The following NUP98 variants were observed in gnomAD, a reference collection of about 807,000 sequenced individuals.
NUP98 encodes the protein nucleoporin 98 and 96 precursor, also known as nuclear pore complex protein Nup98-Nup96.
NUP98 carries 26 observed loss-of-function variants against 191.9 expected under a neutral mutation model. The ratio of observed to expected loss-of-function variants is 0.14; its 90% CI spans 0.10 to 0.19. The LOEUF (loss-of-function observed/expected upper bound fraction) is 0.19, where lower values mean the gene tolerates loss of function less well. Ranked by LOEUF, NUP98 falls within the 10% of genes least tolerant of loss-of-function variation. NUP98 has a pLI of 1.00. For missense variants in NUP98, 1,941 were observed against 2,178.8 expected (o/e 0.89, Z 2.17); for synonymous variants, 808 against 778.4 (o/e 1.04, Z -0.63).
At chr11:3,697,891 T>C (rs2078562761) in intron 25 of NUP98, among the ~76,000 whole-genome samples, 1 of 151,074 alleles carries the variant, frequency 6.6e-6, no homozygotes, top group South Asian at 2.1e-4. Flanking sequence ...ATTGCCTCAT[T>C]AGTGAAAGGG....
At chr11:3,751,868 C>T (rs921567866) in intron 11 of NUP98, among the ~76,000 whole-genome samples, 3 of 151,676 alleles carry the variant, frequency 2.0e-5, no homozygotes, top group South Asian at 2.1e-4. Context: ...CAAAATAAAA[C>T]ACCTTTTATC....
chr11:3,731,693 C>A, intron 13 of NUP98, 115 bp from the exon 14 acceptor site: 1 of 643,818 alleles, frequency 1.6e-6, no homozygotes, highest in Non-Finnish European at 2.5e-6. Context: ...CTGCTAGATA[C>A]CTGTTGAAGT....
chr11:3,744,904 A>C (rs910689580), intron 11 of NUP98, among the ~76,000 whole-genome samples: 1 of 152,214 alleles, frequency 6.6e-6, no homozygotes, highest in East Asian at 1.9e-4. Context: ...CATAGCTTAG[A>C]TAGTAATCCT....
chr11:3,735,300 GC>G lies in NUP98; in HGVS notation c.1432del (p.Ala478LeufsTer14). ...PVALTDPNAS[A>X]AQQAVLQQHI... is the part of the protein sequence containing the mutation. ...CTGCTGGAGAACAGCCTGCTGGGCA[GC>G]AGAAGCATTTGGATCTGTCAAAGCT... On this transcript the variant is annotated frameshift_variant, in exon 13 of 33. Transcript: ENST00000324932. LOFTEE classifies it high-confidence loss of function. 6.5e-7 allele frequency: 1 copy of G among 1,546,064 alleles called. No individual in the cohort carries two copies. Among genetic ancestry groups the G allele is most frequent in the South Asian group, 1.3e-5 (1 of 78,024 alleles).
intron 6 of NUP98, 95 bp downstream of exon 6, chr11:3,773,537 C>A: frequency 3.0e-6 from 2 of 662,030 alleles, no homozygotes. Context: ...CAAACTGAAC[C>A]ACTCTATCCT....
intron 12 of NUP98, among the ~76,000 whole-genome samples, chr11:3,739,061 C>T (rs983972857): frequency 4.6e-5 from 7 of 151,934 alleles, no homozygotes; most frequent in African/African-American, 1.7e-4. Flanking sequence ...ATACAATTAC[C>T]TTTAAATGGG....
chr11:3,712,692 C>T lies in NUP98; in HGVS notation c.2614G>A (p.Asp872Asn), dbSNP rs1253261291. 1.2e-6 allele frequency: 2 copies of T among 1,613,100 alleles called. No homozygotes were observed. The highest frequency in any genetic ancestry group is 1.7e-6 in the Non-Finnish European group (2 of 1,179,998). ...HFSKYGLQDS[D>N]EEEEEHPSKT... ...GACGGATGCTCCTCCTCCTCTTCATCAGAATCCTGAAGGCCATACTTAGAA... is the reference window on the plus strand; with the variant it reads ...GACGGATGCTCCTCCTCCTCTTCATTAGAATCCTGAAGGCCATACTTAGAA... The change falls in exon 20 of 33, where the codon GAT becomes AAT. Residue 872 changes from aspartate to asparagine, a missense_variant. Asp to Asn is a conservative substitution (Grantham distance 23). Transcript: ENST00000324932.
intron 17 of NUP98, 136 bp from the exon 18 acceptor site, chr11:3,719,686 G>C: frequency 1.8e-6 from 1 of 559,286 alleles, no homozygotes; most frequent in African/African-American, 2.3e-5. Flanking sequence ...GCAATTCCTA[G>C]ACTGGTAAGA....
intron 16 of NUP98, 71 bp downstream of exon 16, chr11:3,723,086 G>T: frequency 7.0e-7 from 1 of 1,425,630 alleles, no homozygotes; most frequent in Non-Finnish European, 9.7e-7. Context: ...TCCATATGTT[G>T]AATATCTGCA....
chr11:3,787,380 G>C (rs1167807313), intron 1 of NUP98, among the ~76,000 whole-genome samples: 1 of 151,916 alleles, frequency 6.6e-6, no homozygotes, highest in South Asian at 2.1e-4. Flanking sequence ...TCAGGAGTTC[G>C]AGACCAGACT....
Position 3,768,682 on chromosome 11 carries a change from T to C in NUP98, c.847A>G (p.Ser283Gly). Residue 283 changes from serine to glycine, a missense_variant, in exon 8 of 33, where the codon AGC becomes GGC. This residue lies in a region of NUP98 where 181 missense variants were observed against 228.0 expected (regional missense o/e 0.79). Coordinates refer to ENST00000324932, the MANE Select transcript of NUP98 (RefSeq NM_016320.5). ...LFGQQNQQTT[S>G]LFSKPFGQAT... is the part of the protein sequence containing the mutation. ...TGGCCAAATGGTTTGCTGAAGAGGC[T>C]GGTAGTCTGCTGATTCTGTTGGCCA... 6.2e-7 allele frequency: 1 copy of C among 1,609,696 alleles called. No homozygotes were observed.
intron 29 of NUP98, among the ~76,000 whole-genome samples, 176 bp from the exon 30 acceptor site, chr11:3,683,617 C>T (rs1265442221): frequency 6.6e-6 from 1 of 151,936 alleles, no homozygotes; most frequent in African/African-American, 2.4e-5. Context: ...TGGCTCACGG[C>T]AAATTCCACC....
At chr11:3,687,251 A>G (rs1177192115) in intron 28 of NUP98, among the ~76,000 whole-genome samples, 1 of 152,022 alleles carries the variant, frequency 6.6e-6, no homozygotes, top group Non-Finnish European at 1.5e-5. Context: ...TTATTACTGA[A>G]TTTTCAGAGT....
At position 3,771,733 on chromosome 11, in the gene NUP98, A is replaced by G; in HGVS notation, c.784+15T>C. ...TCTCTCCTCAGTATAATCTAACATG[A>G]TATCAAGTGCTTACTAGTTCCAAAG... is the stretch of plus-strand genomic sequence containing the variant. On this transcript the variant is annotated intron_variant, in intron 7 of 32. Coordinates refer to ENST00000324932, the MANE Select transcript of NUP98 (RefSeq NM_016320.5). 6.2e-7 allele frequency: 1 copy of G among 1,610,770 alleles called. No individual in the cohort carries two copies. The highest frequency in any genetic ancestry group is 8.5e-7 in the Non-Finnish European group (1 of 1,176,990).
chr11:3,731,449 G>A lies in NUP98; in HGVS notation c.1672C>T (p.Leu558Phe). 1 of 1,607,916 alleles carries A rather than the reference G, an allele frequency of 6.2e-7. No homozygotes were observed. Among genetic ancestry groups the A allele is most frequent in the Non-Finnish European group, 8.5e-7 (1 of 1,176,854 alleles). The change falls in exon 14 of 33, where the codon CTC becomes TTC. Residue 558 changes from leucine to phenylalanine, a missense_variant. Leu to Phe is a conservative substitution (Grantham distance 22). Coordinates refer to ENST00000324932, the MANE Select transcript of NUP98 (RefSeq NM_016320.5). ...TCATCGTCATCCAGCCCATCAAAGA[G>A]ATGTGACTTGGCTGTGCCTGTTGTT... The part of the protein sequence containing the change: ...LQTTGTAKSH[L>F]FDGLDDDEPS...
Position 3,728,088 on chromosome 11 carries a change from A to G in NUP98, c.1731-2869T>C, listed in dbSNP as rs867326862. On this transcript the variant is annotated intron_variant, in intron 14 of 32. Transcript: ENST00000324932. ...CTTCATTGATGTGACATGTGAGTAC[A>G]GAGCGTCAGGGTTAACTATATGGAT... 2.6e-4 allele frequency among the ~76,000 whole-genome samples: 39 copies of G among 152,332 alleles called. 1 individual carries two copies. The highest frequency in any genetic ancestry group is 3.4e-3 in the Middle Eastern group (1 of 294).
chr11:3,723,642 T>C (rs1234458721), intron 15 of NUP98, among the ~76,000 whole-genome samples, 187 bp from the exon 16 acceptor site: 1 of 152,008 alleles, frequency 6.6e-6, no homozygotes, highest in African/African-American at 2.4e-5. Context: ...TTGTATACTC[T>C]CCTATATGGA....
chr11:3,769,444 A>G (rs1299321867), intron 7 of NUP98, among the ~76,000 whole-genome samples: 1 of 151,754 alleles, frequency 6.6e-6, no homozygotes, highest in Non-Finnish European at 1.5e-5. Context: ...CACCAAAAAA[A>G]CAGAAAAAAT....
At chr11:3,770,543 G>GT (rs557885345) in intron 7 of NUP98, among the ~76,000 whole-genome samples, 165 of 139,802 alleles carry the variant, frequency 1.2e-3, no homozygotes, top group Non-Finnish European at 1.6e-3. Context: ...AGATAAATAC[G>GT]TATTTGTGTG....
Sources: allele counts gnomAD v4.1 joint callset (sites outside exome capture counted in the v4.1 genomes callset), GRCh38; gene constraint gnomAD v4.1.1; regional missense constraint gnomAD v4.1.1; transcripts MANE v1.5; gene names NCBI Gene and HGNC (gene_info 2026-07-23, HGNC 2026-07-21).